SIAH3: variants seen among roughly 807,000 people sequenced by gnomAD.
SIAH3 encodes the protein seven in absentia homolog 3.
Under a neutral mutation model 12.6 loss-of-function variants are expected in SIAH3, and 9 were observed. The observed-to-expected ratio is 0.72, with a 90% CI of 0.43 to 1.25. The LOEUF (loss-of-function observed/expected upper bound fraction) is 1.25, where lower values mean the gene tolerates loss of function less well. Ranked by LOEUF, SIAH3 falls within the 50% of genes most tolerant of loss-of-function variation. The pLI, the probability that SIAH3 is intolerant of heterozygous loss-of-function variation, is 0.00. For synonymous variants in SIAH3, 154 were observed against 151.1 expected, an observed-to-expected ratio of 1.02 and a Z score of -0.14; for missense variants, 390 against 365.4, an observed-to-expected ratio of 1.07 and a Z score of -0.55.
intron 1 of SIAH3, among the ~76,000 whole-genome samples, chr13:45,803,130 C>T (rs1340288800): frequency 5.9e-5 from 9 of 151,710 alleles, no homozygotes; most frequent in Admixed American, 3.3e-4. Flanking sequence ...GGCAGGAGTG[C>T]CTTAATCTTT....
chr13:45,815,847 C>T (rs771622265), intron 1 of SIAH3, among the ~76,000 whole-genome samples: 1 of 152,210 alleles, frequency 6.6e-6, no homozygotes, highest in Non-Finnish European at 1.5e-5. Flanking sequence ...TCTTTATCTG[C>T]CACACAGCCG....
At chr13:45,814,732 C>CTTTTTTTTTTTTTTTTTTT (rs11386908) in intron 1 of SIAH3, among the ~76,000 whole-genome samples, 3 of 146,722 alleles carry the variant, frequency 2.0e-5, no homozygotes, top group African/African-American at 7.8e-5. Flanking sequence ...TTTGCCATTA[C>CTTTTTTTTTTTTTTTTTTT]TTTTTTTTTT....
rs370101664 is a variant in SIAH3, at chr13:45,781,638, C to T, written c.*1745G>A. 1.1e-4 allele frequency: 16 copies of T among 152,208 alleles called. No individual in the cohort carries two copies. Among genetic ancestry groups the T allele is most frequent in the African/African-American group, 2.9e-4 (12 of 41,432 alleles). The allele number at this position is 152,208 out of a possible 1,614,324, so 9.4% of individuals were successfully genotyped here. A position where few individuals can be genotyped will look rare whatever the true frequency, so the allele number is the denominator to read the frequency against. ...TGCAGTCTCAGCCCCAGGGGCCCAG[C>T]GATTACTGTGTGACCAGAGCAGCCT... On this transcript the variant is annotated 3_prime_UTR_variant, in exon 2 of 2. Transcript: ENST00000400405.
intron 1 of SIAH3, among the ~76,000 whole-genome samples, chr13:45,791,769 A>G (rs1238199675): frequency 1.3e-5 from 2 of 152,202 alleles, no homozygotes. Context: ...TTTTTCAGTA[A>G]TGAATTGCTT....
At chr13:45,837,436 A>G (rs1371425556) in intron 1 of SIAH3, among the ~76,000 whole-genome samples, 1 of 152,116 alleles carries the variant, frequency 6.6e-6, no homozygotes, top group East Asian at 1.9e-4. Context: ...AATTTGAAAA[A>G]GAATGAAAAA....
chr13:45,814,132 G>A (rs1341887316), intron 1 of SIAH3, among the ~76,000 whole-genome samples: 1 of 151,458 alleles, frequency 6.6e-6, no homozygotes, highest in South Asian at 2.1e-4. Context: ...CCAGCTACTC[G>A]GGAGGCTGAG....
At chr13:45,815,763 C>G (rs1202109189) in intron 1 of SIAH3, among the ~76,000 whole-genome samples, 1 of 152,156 alleles carries the variant, frequency 6.6e-6, no homozygotes, top group Non-Finnish European at 1.5e-5. Context: ...CGAAACAAAA[C>G]AAATTTCATT....
intron 1 of SIAH3, among the ~76,000 whole-genome samples, chr13:45,849,572 C>T (rs1413852747): frequency 6.6e-6 from 1 of 152,128 alleles, no homozygotes; most frequent in African/African-American, 2.4e-5. Context: ...AGGGAAGTCT[C>T]AAAGAGGTGG....
intron 1 of SIAH3, among the ~76,000 whole-genome samples, chr13:45,792,371 T>TTG (rs1054656441): frequency 6.6e-6 from 1 of 151,628 alleles, no homozygotes; most frequent in Non-Finnish European, 1.5e-5. Flanking sequence ...TTTTTTTTTT[T>TTG]TTTGAGATGG....
At chr13:45,850,369 T>C (rs928064550) in intron 1 of SIAH3, among the ~76,000 whole-genome samples, 2 of 152,180 alleles carry the variant, frequency 1.3e-5, no homozygotes, top group African/African-American at 4.8e-5. Context: ...ATGCTCTTCC[T>C]GCCCAACAGC....
Position 45,783,257 on chromosome 13 carries a change from A to G in SIAH3, c.*126T>C. The G allele has an allele frequency of 1.7e-6, 1 of 585,040 alleles. No individual in the cohort carries two copies. Among genetic ancestry groups the G allele is most frequent in the East Asian group, 3.4e-5 (1 of 29,340 alleles). 36.2% of individuals were successfully genotyped at this position (585,040 alleles called of 1,614,324 possible). A position where few individuals can be genotyped will look rare whatever the true frequency, so the allele number is the denominator to read the frequency against. On this transcript the variant is annotated 3_prime_UTR_variant, in exon 2 of 2. Coordinates refer to ENST00000400405, the MANE Select transcript of SIAH3 (RefSeq NM_198849.3). The stretch of plus-strand genomic sequence containing the variant: ...AAAGTACCTGAGACAAAAAAATAAT[A>G]ATAATTAAAAATTAAAAAAAAAAAA...
chr13:45,819,321 A>G lies in SIAH3; in HGVS notation c.135+32174T>C, dbSNP rs547885810. 4.6e-5 allele frequency among the ~76,000 whole-genome samples: 7 copies of G among 152,344 alleles called. No individual in the cohort carries two copies. The East Asian group carries it at 1.2e-3, about 25-fold the overall frequency. On this transcript the variant is annotated intron_variant, in intron 1 of 1. Coordinates refer to ENST00000400405, the MANE Select transcript of SIAH3 (RefSeq NM_198849.3). ...GTTAGACTTTACTTCTAACAGATAC[A>G]GGATGGGAGGAGCGTTTAAGGAAGC... is the stretch of plus-strand genomic sequence containing the variant.
At chr13:45,825,186 A>G (rs922430325) in intron 1 of SIAH3, among the ~76,000 whole-genome samples, 6 of 152,172 alleles carry the variant, frequency 3.9e-5, no homozygotes, top group African/African-American at 1.4e-4. Context: ...TCTCGCATTA[A>G]TAGGTCTCTT....
At chr13:45,837,274 T>C (rs1950721006) in intron 1 of SIAH3, among the ~76,000 whole-genome samples, 1 of 152,222 alleles carries the variant, frequency 6.6e-6, no homozygotes, top group African/African-American at 2.4e-5. Context: ...GATTTGTTCA[T>C]AGAGTCATTA....
At chr13:45,808,475 C>A (rs1950605486) in intron 1 of SIAH3, among the ~76,000 whole-genome samples, 1 of 152,110 alleles carries the variant, frequency 6.6e-6, no homozygotes, top group Non-Finnish European at 1.5e-5. Flanking sequence ...GACATGGTGA[C>A]TTTTTCTATG....
At chr13:45,795,003 A>G (rs922182689) in intron 1 of SIAH3, among the ~76,000 whole-genome samples, 1 of 148,190 alleles carries the variant, frequency 6.7e-6, no homozygotes, top group African/African-American at 2.5e-5. Flanking sequence ...TAGTCATTAT[A>G]TTTCATTTTA....
At chr13:45,789,419 T>TCTA (rs1950539045) in intron 1 of SIAH3, among the ~76,000 whole-genome samples, 1 of 142,224 alleles carries the variant, frequency 7.0e-6, no homozygotes. Flanking sequence ...TATCTATCTA[T>TCTA]ATGTTGAGAC....
intron 1 of SIAH3, among the ~76,000 whole-genome samples, chr13:45,788,331 C>A (rs776166565): frequency 7.9e-5 from 12 of 152,190 alleles, no homozygotes; most frequent in Non-Finnish European, 1.3e-4. Context: ...TAATTACTTT[C>A]CTTCACTAAA....
intron 1 of SIAH3, among the ~76,000 whole-genome samples, chr13:45,801,034 C>A (rs1252346455): frequency 6.8e-6 from 1 of 146,184 alleles, no homozygotes. Flanking sequence ...TACTAGGATC[C>A]ATCAGCATAT....
Sources: gnomAD v4.1 joint callset for allele counts (sites outside exome capture counted in the v4.1 genomes callset) on GRCh38, gnomAD v4.1.1 for gene constraint, MANE v1.5 for transcripts, NCBI Gene and HGNC (gene_info 2026-07-23, HGNC 2026-07-21) for gene names.